ETV1: variants seen among roughly 807,000 people sequenced by gnomAD.
ETV1 encodes the protein ETS translocation variant 1.
In ETV1, 27 loss-of-function variants were observed where a neutral mutation model predicts 62.3. That is an observed-to-expected ratio of 0.43 (90% CI 0.32 to 0.60). The LOEUF (loss-of-function observed/expected upper bound fraction) is 0.60, where lower values mean the gene tolerates loss of function less well. Ranked by LOEUF, ETV1 falls within the 20% of genes least tolerant of loss-of-function variation. The probability of loss-of-function intolerance (pLI) is 0.06; values close to 1 mark genes in which losing one functional copy is unlikely to be tolerated. For missense variants in ETV1, 605 were observed against 605.8 expected (o/e 1.00, Z 0.01); for synonymous variants, 222 against 199.6 (o/e 1.11, Z -0.94).
intron 6 of ETV1, among the ~76,000 whole-genome samples, chr7:13,977,207 G>T (rs576314508): frequency 6.6e-6 from 1 of 152,102 alleles, no homozygotes. Context: ...CTACTATTTG[G>T]AGTTCTCTTC....
intron 6 of ETV1, among the ~76,000 whole-genome samples, chr7:13,962,773 T>C (rs1259270908): frequency 6.6e-6 from 1 of 152,168 alleles, no homozygotes; most frequent in Admixed American, 6.5e-5. Context: ...TTGCTTTCCA[T>C]ATACGTATTA....
intron 6 of ETV1, among the ~76,000 whole-genome samples, chr7:13,966,048 T>C (rs1411969490): frequency 6.6e-6 from 1 of 152,180 alleles, no homozygotes; most frequent in Non-Finnish European, 1.5e-5. Flanking sequence ...AAAGTATGTA[T>C]TGGCACATAA....
intron 9 of ETV1, among the ~76,000 whole-genome samples, chr7:13,921,379 A>C (rs1784830210): frequency 6.6e-6 from 1 of 152,174 alleles, no homozygotes; most frequent in African/African-American, 2.4e-5. Context: ...GCAATTATGG[A>C]AATATTTTTT....
At position 13,977,508 on chromosome 7, in the gene ETV1, A is replaced by C. The variant is rs948087149; in HGVS notation, c.182-28T>G. The C allele has an allele frequency of 5.4e-6, 8 of 1,493,746 alleles. No individual in the cohort carries two copies. The Middle Eastern group carries it at 8.0e-4, about 149-fold the overall frequency. 92.5% of individuals were successfully genotyped at this position (1,493,746 alleles called of 1,614,324 possible). ...GAAGAAGAAAAAGAAAATTAAAAAA[A>C]ATTAAGAGAGAAACTGCCAAAAGCA... is the stretch of plus-strand genomic sequence containing the variant. On this transcript the variant is annotated intron_variant, in intron 5 of 13. Transcript: ENST00000430479.
intron 6 of ETV1, among the ~76,000 whole-genome samples, chr7:13,973,847 G>A (rs1781142367): frequency 6.6e-6 from 1 of 152,064 alleles, no homozygotes; most frequent in African/African-American, 2.4e-5. Flanking sequence ...CCCAGAATGA[G>A]ACTATACGTG....
intron 6 of ETV1, among the ~76,000 whole-genome samples, chr7:13,964,947 G>A (rs1284941133): frequency 6.6e-6 from 1 of 151,636 alleles, no homozygotes; most frequent in Non-Finnish European, 1.5e-5. Flanking sequence ...AATCTTTATC[G>A]TCTCAAGCTG....
In ETV1 at chr7:13,891,640, T is replaced by G; in HGVS notation, c.*4226A>C. 1 of 232,158 alleles carries G rather than the reference T, an allele frequency of 4.3e-6. No homozygotes were observed. Among genetic ancestry groups the G allele is most frequent in the East Asian group, 6.1e-5 (1 of 16,298 alleles). 14.4% of individuals were successfully genotyped at this position (232,158 alleles called of 1,614,324 possible). The stretch of plus-strand genomic sequence containing the variant: ...AAAAAGAAGTCCTAAAAGTACTAGT[T>G]GAGCTCTGAATAAACTGGGTGAAAT... On this transcript the variant is annotated 3_prime_UTR_variant, in exon 14 of 14. Coordinates refer to ENST00000430479, the MANE Select transcript of ETV1 (RefSeq NM_004956.5).
chr7:13,983,366 CT>C (rs1345746300), intron 5 of ETV1, among the ~76,000 whole-genome samples: 3 of 151,932 alleles, frequency 2.0e-5, no homozygotes, highest in African/African-American at 7.2e-5. Flanking sequence ...TTTTTTACAT[CT>C]TTCTATTTTT....
At chr7:13,905,125 G>T (rs1232287325) in intron 12 of ETV1, among the ~76,000 whole-genome samples, 3 of 151,674 alleles carry the variant, frequency 2.0e-5, no homozygotes, top group Non-Finnish European at 4.4e-5. Context: ...CATACTTTCA[G>T]TACATTCTCG....
chr7:13,927,695 T>C (rs543787047), intron 9 of ETV1, among the ~76,000 whole-genome samples: 1 of 152,294 alleles, frequency 6.6e-6, no homozygotes, highest in Non-Finnish European at 1.5e-5. Context: ...ATGTATGACA[T>C]ATACATATGT....
intron 8 of ETV1, among the ~76,000 whole-genome samples, chr7:13,934,421 T>C (rs184214589): frequency 2.6e-4 from 39 of 152,294 alleles, no homozygotes; most frequent in Non-Finnish European, 5.0e-4. Flanking sequence ...ATTTGAGTGC[T>C]CCCTTATTTT....
chr7:13,937,615 T>C (rs923281285), intron 7 of ETV1, among the ~76,000 whole-genome samples: 4 of 152,232 alleles, frequency 2.6e-5, no homozygotes, highest in African/African-American at 9.6e-5. Context: ...CAATTCTATA[T>C]CTAACTGCCA....
chr7:13,959,674 AG>A (rs1304671794), intron 6 of ETV1, among the ~76,000 whole-genome samples: 1 of 152,002 alleles, frequency 6.6e-6, no homozygotes, highest in Admixed American at 6.6e-5. Context: ...ATTTGAGGTC[AG>A]GAGTTCGAGA....
chr7:13,978,112 A>G (rs1000066775), intron 5 of ETV1, among the ~76,000 whole-genome samples: 2 of 152,196 alleles, frequency 1.3e-5, no homozygotes, highest in African/African-American at 4.8e-5. Context: ...ATAACAAACA[A>G]TAACACAAAT....
intron 8 of ETV1, among the ~76,000 whole-genome samples, chr7:13,934,704 C>A (rs1786589238): frequency 6.6e-6 from 1 of 152,164 alleles, no homozygotes; most frequent in African/African-American, 2.4e-5. Flanking sequence ...CAATTATACA[C>A]CTGAGGTTAC....
rs144055322 is a variant in ETV1 at position 13,948,501 on chromosome 7, C to T, written c.236-9255G>A. Among the ~76,000 whole-genome samples the T allele has an allele frequency of 4.5e-4, 69 of 152,286 alleles. No individual in the cohort carries two copies. In the East Asian group the frequency reaches 0.012, roughly 26 times the overall value. The stretch of plus-strand genomic sequence containing the variant: ...AAAAATCATGTTTTAGAATAGTCTT[C>T]TGTATGCTGTTCTAGAACAGAGGCT... On this transcript the variant is annotated intron_variant, in intron 6 of 13. Coordinates refer to ENST00000430479, the MANE Select transcript of ETV1 (RefSeq NM_004956.5).
rs1178112843 is a variant in ETV1 at position 13,931,728 on chromosome 7, T to A, written c.576A>T (p.Glu192Asp). The change falls in exon 9 of 14, where the codon GAA becomes GAT. Residue 192 changes from glutamate (E) to aspartate (D), a missense_variant. Coordinates refer to ENST00000430479, the MANE Select transcript of ETV1 (RefSeq NM_004956.5). Reference protein sequence around the residue: ...MDHRFRRQLSEPCNSFPPLPT... With the variant: ...MDHRFRRQLSDPCNSFPPLPT... ...GCAAAGGAGGAAAGGAGTTACAGGGTTCAGAAAGCTGGCGGCGAAATCTAG... is the reference window on the plus strand; with the variant it reads ...GCAAAGGAGGAAAGGAGTTACAGGGATCAGAAAGCTGGCGGCGAAATCTAG... The A allele has an allele frequency of 1.2e-6, 2 of 1,613,828 alleles. No individual in the cohort carries two copies. The highest frequency in any genetic ancestry group is 2.7e-5 in the African/African-American group (2 of 74,924).
rs907035030 is a variant in ETV1, at chr7:13,956,109, A to C, written c.236-16863T>G. Among the ~76,000 whole-genome samples the C allele has an allele frequency of 2.0e-5, 3 of 152,236 alleles. No individual in the cohort carries two copies. In the South Asian group the frequency reaches 6.2e-4, roughly 32 times the overall value. On this transcript the variant is annotated intron_variant, in intron 6 of 13. Coordinates refer to ENST00000430479, the MANE Select transcript of ETV1 (RefSeq NM_004956.5). ...TACAATTACATTTGACTTAGTTGAT[A>C]TGATCTAGTGATAAAGAAATATTAC...
chr7:13,906,678 T>C (rs912390609), intron 11 of ETV1, 79 bp from the exon 12 acceptor site: 1 of 1,089,380 alleles, frequency 9.2e-7, no homozygotes, highest in Non-Finnish European at 1.3e-6. Flanking sequence ...AATCAATCAC[T>C]AATATGGTTA....
Sources: gnomAD v4.1 joint callset for allele counts (sites outside exome capture counted in the v4.1 genomes callset) on GRCh38, gnomAD v4.1.1 for gene constraint, MANE v1.5 for transcripts, NCBI Gene and HGNC (gene_info 2026-07-23, HGNC 2026-07-21) for gene names.